AFF1: variants seen among roughly 807,000 people sequenced by gnomAD.
The protein encoded by AFF1 is ALF transcription elongation factor 1, also known as AF4/FMR2 family member 1.
Under a neutral mutation model 121.7 loss-of-function variants are expected in AFF1, and 48 were observed. That is an observed-to-expected ratio of 0.39 (90% CI 0.31 to 0.50). The LOEUF is 0.50. Among genes scored for constraint, AFF1 ranks in the 20% least tolerant of loss-of-function variants. AFF1 has a pLI of 0.76. For missense variants in AFF1, 1,523 were observed against 1,511.7 expected, an observed-to-expected ratio of 1.01 and a Z score of -0.12; for synonymous variants, 613 against 563.0, an observed-to-expected ratio of 1.09 and a Z score of -1.26.
rs543299134 is a variant in AFF1 at position 87,015,306 on chromosome 4, AAAAT to A, written c.39-30856_39-30853del. ...ACTCTCCATTTAAAAAAGTGTGTAA[AAAAT>A]AAACTTTGTACCACAGGGGAAAAAT... is the stretch of plus-strand genomic sequence containing the variant. On this transcript the variant is annotated intron_variant, in intron 2 of 20. Coordinates refer to ENST00000395146, the MANE Select transcript of AFF1 (RefSeq NM_001166693.3). Among the ~76,000 whole-genome samples the A allele has an allele frequency of 2.7e-3, 413 of 152,334 alleles. 2 individuals carry two copies. The highest frequency in any genetic ancestry group is 9.3e-3 in the African/African-American group (387 of 41,580).
chr4:87,118,831 CA>C (rs1248759989), intron 12 of AFF1, among the ~76,000 whole-genome samples: 1 of 152,218 alleles, frequency 6.6e-6, no homozygotes, highest in African/African-American at 2.4e-5. Flanking sequence ...AAAACCAAGG[CA>C]GTGAAAGCAG....
intron 4 of AFF1, among the ~76,000 whole-genome samples, chr4:87,069,327 A>C: frequency 8.8e-6 from 1 of 113,676 alleles, no homozygotes. Context: ...ACCTCTTGAG[A>C]TTTGCATGGT....
chr4:86,970,528 A>T (rs1252980346), intron 2 of AFF1, among the ~76,000 whole-genome samples: 1 of 152,186 alleles, frequency 6.6e-6, no homozygotes, highest in East Asian at 1.9e-4. Flanking sequence ...TGTAGGGAGG[A>T]TGCAGTAGCA....
rs552499271 is a variant in AFF1 at position 87,009,250 on chromosome 4, C to A, written c.39-36916C>A. ...GTTAGTTGAGGAAACTGAGGTCCAGCCTGGCTGTTTCTTGCCTGAGGTCAC... is the reference window on the plus strand; with the variant it reads ...GTTAGTTGAGGAAACTGAGGTCCAGACTGGCTGTTTCTTGCCTGAGGTCAC... On this transcript the variant is annotated intron_variant, in intron 2 of 20. Transcript: ENST00000395146. Among the ~76,000 whole-genome samples, 5 of 152,346 alleles carry A rather than the reference C, an allele frequency of 3.3e-5. No homozygotes were observed. In the South Asian group the frequency reaches 1.0e-3, roughly 32 times the overall value.
chr4:87,127,169 C>CCA, intron 15 of AFF1, 52 bp downstream of exon 15: 7 of 1,282,960 alleles, frequency 5.5e-6, no homozygotes, highest in South Asian at 1.2e-5. Context: ...TTTTGCTTCC[C>CCA]CCCCCCACCA....
chr4:87,076,146 T>C (rs896806884), intron 4 of AFF1, among the ~76,000 whole-genome samples: 1 of 152,150 alleles, frequency 6.6e-6, no homozygotes, highest in Non-Finnish European at 1.5e-5. Flanking sequence ...CACTACCCCC[T>C]TCTTCTAGGT....
At chr4:86,988,098 T>C (rs1347153110) in intron 2 of AFF1, among the ~76,000 whole-genome samples, 2 of 145,766 alleles carry the variant, frequency 1.4e-5, no homozygotes, top group South Asian at 2.3e-4. Flanking sequence ...ATTAGATACA[T>C]TTATACAATG....
chr4:87,090,043 G>A lies in AFF1; in HGVS notation c.1164G>A (p.Glu388=). The change falls in exon 6 of 21, where the codon GAG becomes GAA. Residue 388 remains glutamate (E), a synonymous_variant. Transcript: ENST00000395146. The part of the protein sequence containing the change: ...LTAIHTPSTA[E]PSKFPFPTKD... ...CAATACATACGCCTAGTACAGCTGAGCCATCCAAGTTTCCTTTCCCTACAA... is the reference window on the plus strand; with the variant it reads ...CAATACATACGCCTAGTACAGCTGAACCATCCAAGTTTCCTTTCCCTACAA... The A allele has an allele frequency of 6.2e-7, 1 of 1,613,906 alleles. No individual in the cohort carries two copies. Among genetic ancestry groups the A allele is most frequent in the Non-Finnish European group, 8.5e-7 (1 of 1,179,934 alleles).
At chr4:87,088,631 G>A (rs888144682) in intron 5 of AFF1, among the ~76,000 whole-genome samples, 1 of 151,952 alleles carries the variant, frequency 6.6e-6, no homozygotes, top group African/African-American at 2.4e-5. Flanking sequence ...TTGAGACGGA[G>A]TCTCGCCCTG....
At chr4:87,050,271 C>A (rs552842066) in intron 4 of AFF1, among the ~76,000 whole-genome samples, 1 of 152,110 alleles carries the variant, frequency 6.6e-6, no homozygotes, top group South Asian at 2.1e-4. Flanking sequence ...CCTTTATTTG[C>A]TTAATTGGTC....
At chr4:87,039,330 A>G (rs1729877468) in intron 2 of AFF1, among the ~76,000 whole-genome samples, 2 of 152,354 alleles carry the variant, frequency 1.3e-5, no homozygotes, top group South Asian at 4.1e-4. Flanking sequence ...ATGTGCCCTG[A>G]CAGGCCCCAG....
chr4:86,948,745 A>G (rs1370125011), intron 2 of AFF1, among the ~76,000 whole-genome samples, 174 bp downstream of exon 2: 3 of 152,200 alleles, frequency 2.0e-5, no homozygotes, highest in Non-Finnish European at 2.9e-5. Flanking sequence ...GACTGGCTAC[A>G]TATTTTCTTT....
Position 87,114,351 on chromosome 4 carries a change from C to G in AFF1, c.1534-16C>G, listed in dbSNP as rs200538481. 9.8e-5 allele frequency: 155 copies of G among 1,574,326 alleles called. No individual in the cohort carries two copies. The African/African-American group carries it at 2.0e-3, about 20-fold the overall frequency. On this transcript the variant is annotated splice_polypyrimidine_tract_variant and intron_variant, in intron 11 of 20. Coordinates refer to ENST00000395146, the MANE Select transcript of AFF1 (RefSeq NM_001166693.3). ...CAATGGTCAGTTAACACTTTTCTTT[C>G]TTTCCTTATTTTTAGCCTGAGCCTC... is the stretch of plus-strand genomic sequence containing the variant.
chr4:87,008,325 A>C (rs1447579659), intron 2 of AFF1, among the ~76,000 whole-genome samples: 1 of 152,222 alleles, frequency 6.6e-6, no homozygotes, highest in Admixed American at 6.5e-5. Flanking sequence ...ACACGTCTGA[A>C]GACTCAGATC....
At chr4:87,086,151 A>G (rs1723713359) in intron 5 of AFF1, among the ~76,000 whole-genome samples, 1 of 152,138 alleles carries the variant, frequency 6.6e-6, no homozygotes, top group Non-Finnish European at 1.5e-5. Flanking sequence ...TCTGTTTCTG[A>G]AATTTGTTGG....
At chr4:87,031,295 C>T (rs538000274) in intron 2 of AFF1, among the ~76,000 whole-genome samples, 44 of 152,322 alleles carry the variant, frequency 2.9e-4, no homozygotes, top group South Asian at 1.7e-3. Flanking sequence ...CTCTTGGAAA[C>T]TTCTGCTCAT....
At chr4:86,940,438 G>A (rs1423857264) in intron 1 of AFF1, among the ~76,000 whole-genome samples, 4 of 152,168 alleles carry the variant, frequency 2.6e-5, no homozygotes, top group African/African-American at 9.7e-5. Flanking sequence ...GTCTCACTCT[G>A]TTGCCCAGGC....
At position 86,983,775 on chromosome 4, in the gene AFF1, C is replaced by T. The variant is rs188669176; in HGVS notation, c.38+35204C>T. Among the ~76,000 whole-genome samples, 596 of 150,514 alleles carry T rather than the reference C, an allele frequency of 4.0e-3. 3 individuals carry two copies. The highest frequency in any genetic ancestry group is 0.014 in the African/African-American group (557 of 41,046). ...CTTTGTCGCCAGGCGCAGTGGCTCA[C>T]GCTTGTAATCCCAGCACTTTGGGAG... is the stretch of plus-strand genomic sequence containing the variant. On this transcript the variant is annotated intron_variant, in intron 2 of 20. Transcript: ENST00000395146.
chr4:86,977,089 G>T (rs1228072109), intron 2 of AFF1, among the ~76,000 whole-genome samples: 1 of 152,184 alleles, frequency 6.6e-6, no homozygotes, highest in African/African-American at 2.4e-5. Flanking sequence ...GGAATAACTT[G>T]ATCATGTTTC....
Sources: gnomAD v4.1 joint callset for allele counts (sites outside exome capture counted in the v4.1 genomes callset) on GRCh38, gnomAD v4.1.1 for gene constraint, MANE v1.5 for transcripts, NCBI Gene and HGNC (gene_info 2026-07-23, HGNC 2026-07-21) for gene names.